HPSE2: variants seen among roughly 807,000 people sequenced by gnomAD.
HPSE2 encodes the protein heparanase 2 (inactive), also known as inactive heparanase-2.
A neutral mutation model predicts 60.5 loss-of-function variants in HPSE2; 38 were observed. The ratio of observed to expected loss-of-function variants is 0.63; its 90% CI spans 0.48 to 0.82. The LOEUF (loss-of-function observed/expected upper bound fraction) is 0.82, where lower values mean the gene tolerates loss of function less well. Ranked by LOEUF, HPSE2 falls within the 40% of genes least tolerant of loss-of-function variation. The probability of loss-of-function intolerance (pLI) is 0.00; values close to 1 mark genes in which losing one functional copy is unlikely to be tolerated. For missense variants in HPSE2, 713 were observed against 740.4 expected, an observed-to-expected ratio of 0.96 and a Z score of 0.43; for synonymous variants, 295 against 293.2, an observed-to-expected ratio of 1.01 and a Z score of -0.06.
chr10:98,715,034 G>C (rs555407751), intron 5 of HPSE2, among the ~76,000 whole-genome samples: 1 of 151,842 alleles, frequency 6.6e-6, no homozygotes, highest in Non-Finnish European at 1.5e-5. Flanking sequence ...TAGGTAATTT[G>C]TCTTTTCATT....
At chr10:99,212,099 A>G (rs1414240714) in intron 2 of HPSE2, among the ~76,000 whole-genome samples, 1 of 152,200 alleles carries the variant, frequency 6.6e-6, no homozygotes, top group Admixed American at 6.5e-5. Context: ...ACTGATTATC[A>G]GGGAAATGCA....
At chr10:98,479,536 C>A (rs979791689) in intron 11 of HPSE2, among the ~76,000 whole-genome samples, 1 of 152,242 alleles carries the variant, frequency 6.6e-6, no homozygotes, top group Admixed American at 6.5e-5. Flanking sequence ...CTGAGCAGAG[C>A]ACTAGATGTG....
chr10:98,992,560 A>G (rs1054423350), intron 3 of HPSE2, among the ~76,000 whole-genome samples: 5 of 152,186 alleles, frequency 3.3e-5, no homozygotes, highest in Non-Finnish European at 7.3e-5. Flanking sequence ...ACAGGTTTTC[A>G]TTGAGTACCT....
intron 3 of HPSE2, among the ~76,000 whole-genome samples, chr10:99,081,871 C>T (rs976295542): frequency 6.6e-6 from 1 of 152,140 alleles, no homozygotes; most frequent in Non-Finnish European, 1.5e-5. Context: ...CTCCTGACCA[C>T]GTGATCCGCC....
intron 3 of HPSE2, among the ~76,000 whole-genome samples, chr10:99,034,584 G>A (rs1245733331): frequency 6.6e-6 from 1 of 151,962 alleles, no homozygotes; most frequent in Non-Finnish European, 1.5e-5. Flanking sequence ...TGTACACAGA[G>A]ACATAAATAC....
intron 3 of HPSE2, among the ~76,000 whole-genome samples, chr10:99,032,366 T>C (rs1437460467): frequency 6.6e-6 from 1 of 152,108 alleles, no homozygotes; most frequent in Non-Finnish European, 1.5e-5. Flanking sequence ...CAGAAAATCA[T>C]ACCATCATCC....
chr10:98,602,226 C>G (rs183792984), intron 9 of HPSE2, among the ~76,000 whole-genome samples: 12 of 152,270 alleles, frequency 7.9e-5, no homozygotes, highest in Middle Eastern at 3.4e-3. Flanking sequence ...CTTTTGGTCA[C>G]TTTCCCAAGG....
chr10:98,804,804 T>G (rs1408526819), intron 3 of HPSE2, among the ~76,000 whole-genome samples: 1 of 152,052 alleles, frequency 6.6e-6, no homozygotes, highest in Non-Finnish European at 1.5e-5. Flanking sequence ...AGAAAGGAAA[T>G]CAGTGTATCG....
intron 3 of HPSE2, among the ~76,000 whole-genome samples, chr10:99,061,820 T>G (rs1335290600): frequency 6.6e-6 from 1 of 152,240 alleles, no homozygotes; most frequent in East Asian, 1.9e-4. Context: ...AATGAGATAT[T>G]GTACATAAAG....
intron 3 of HPSE2, among the ~76,000 whole-genome samples, chr10:98,767,250 T>C (rs1479326645): frequency 6.6e-6 from 1 of 152,044 alleles, no homozygotes; most frequent in Non-Finnish European, 1.5e-5. Flanking sequence ...GCAATAAGAA[T>C]AAATTAGAAA....
intron 5 of HPSE2, among the ~76,000 whole-genome samples, chr10:98,696,292 TAAAAAAAAAAAA>T (rs71009706): frequency 2.2e-5 from 2 of 89,658 alleles, no homozygotes; most frequent in Admixed American, 1.2e-4. Context: ...GAGGCTCCCA[TAAAAAAAAAAAA>T]AAAAAAAAAA....
intron 2 of HPSE2, among the ~76,000 whole-genome samples, chr10:99,230,584 C>A (rs1439475758): frequency 6.6e-6 from 1 of 151,858 alleles, no homozygotes; most frequent in Non-Finnish European, 1.5e-5. Context: ...CTGCCAATTT[C>A]TTTTCTCCCC....
the HPSE2 span, among the ~76,000 whole-genome samples, chr10:99,249,891 C>T: frequency 6.6e-6 from 1 of 152,060 alleles, no homozygotes. Flanking sequence ...TGCCTGTAAT[C>T]CTAGCATTTT....
Position 98,743,989 on chromosome 10 carries a change from A to G in HPSE2, c.678T>C (p.Asn226=). 6.2e-7 allele frequency: 1 copy of G among 1,614,186 alleles called. No individual in the cohort carries two copies. The highest frequency in any genetic ancestry group is 1.1e-5 in the South Asian group (1 of 91,088). Residue 226 remains asparagine, a synonymous_variant, in exon 4 of 12, where the codon AAT becomes AAC. Coordinates refer to ENST00000370552, the MANE Select transcript of HPSE2 (RefSeq NM_021828.5). ...AGTTATTGGGATTACGACGCAGTGC[A>G]TTTAGAGCAAATATCAGGTGGAGTC... The part of the protein sequence containing the change: ...CSGLHLIFAL[N]ALRRNPNNSW...
intron 3 of HPSE2, among the ~76,000 whole-genome samples, chr10:98,813,692 G>A (rs1951219184): frequency 6.6e-6 from 1 of 152,122 alleles, no homozygotes; most frequent in South Asian, 2.1e-4. Context: ...GTTACTGTCA[G>A]CACTTAAAGC....
At chr10:98,644,143 T>C (rs182152021) in intron 6 of HPSE2, among the ~76,000 whole-genome samples, 1 of 152,202 alleles carries the variant, frequency 6.6e-6, no homozygotes, top group African/African-American at 2.4e-5. Flanking sequence ...ACCCAGAATC[T>C]GGAGTTAGAA....
intron 9 of HPSE2, among the ~76,000 whole-genome samples, chr10:98,539,852 C>T (rs1298139661): frequency 6.6e-6 from 1 of 151,970 alleles, no homozygotes; most frequent in African/African-American, 2.4e-5. Flanking sequence ...ATTTTACCCC[C>T]ACCTTAGGCA....
At chr10:99,253,277 G>A in the HPSE2 span, among the ~76,000 whole-genome samples, 5 of 152,068 alleles carry the variant, frequency 3.3e-5, no homozygotes, top group African/African-American at 1.2e-4. Context: ...TCATAGTACT[G>A]GTATAAAAAC....
chr10:98,476,906 TC>T (rs1447204410), intron 11 of HPSE2, among the ~76,000 whole-genome samples: 2 of 152,192 alleles, frequency 1.3e-5, no homozygotes, highest in East Asian at 3.8e-4. Context: ...TCAAATATAT[TC>T]ATTCTGTAAG....
Sources: allele counts gnomAD v4.1 joint callset (sites outside exome capture counted in the v4.1 genomes callset), GRCh38; gene constraint gnomAD v4.1.1; transcripts MANE v1.5; gene names NCBI Gene and HGNC (gene_info 2026-07-23, HGNC 2026-07-21).